PTPRJ: variants seen among roughly 807,000 people sequenced by gnomAD.
PTPRJ encodes the protein receptor-type tyrosine-protein phosphatase eta.
PTPRJ carries 129 observed loss-of-function variants against 141.3 expected under a neutral mutation model. The observed-to-expected ratio is 0.91, with a 90% CI of 0.79 to 1.06. The LOEUF (loss-of-function observed/expected upper bound fraction) is 1.06. Ranked by LOEUF, PTPRJ falls within the 50% of genes least tolerant of loss-of-function variation. The pLI is 0.00. For missense variants in PTPRJ, 1,601 were observed against 1,679.7 expected, an observed-to-expected ratio of 0.95 and a Z score of 0.82; for synonymous variants, 610 against 640.5, an observed-to-expected ratio of 0.95 and a Z score of 0.72.
At chr11:48,161,012 C>A (rs1316058154) in intron 22 of PTPRJ, among the ~76,000 whole-genome samples, 1 of 151,198 alleles carries the variant, frequency 6.6e-6, no homozygotes, top group Non-Finnish European at 1.5e-5. Flanking sequence ...AAAACAAAAC[C>A]AAACCAAACC....
intron 1 of PTPRJ, among the ~76,000 whole-genome samples, chr11:47,982,540 T>C (rs917300861): frequency 2.6e-5 from 4 of 152,132 alleles, no homozygotes; most frequent in African/African-American, 9.7e-5. Context: ...TAAAAAAGCC[T>C]TGTATTTGAA....
intron 1 of PTPRJ, among the ~76,000 whole-genome samples, chr11:47,993,277 CATTTGTAGTTT>C (rs1434404426): frequency 6.6e-6 from 1 of 152,036 alleles, no homozygotes; most frequent in Non-Finnish European, 1.5e-5. Flanking sequence ...AACACTACTG[CATTTGTAGTTT>C]ATTTGTTTGT....
chr11:48,049,565 C>CAAAACAAAACACAACAAAAT (rs746217685), intron 1 of PTPRJ, among the ~76,000 whole-genome samples: 2 of 150,704 alleles, frequency 1.3e-5, no homozygotes, highest in African/African-American at 4.9e-5. Context: ...CAAAACAAAA[C>CAAAACAAAACACAACAAAAT]AAGTCGGGTG....
chr11:47,981,691 C>A (rs1036993603), intron 1 of PTPRJ, among the ~76,000 whole-genome samples: 17 of 150,404 alleles, frequency 1.1e-4, no homozygotes, highest in Admixed American at 1.1e-3. Context: ...CCCTCACCCT[C>A]TTTTCTGGCT....
chr11:48,149,910 G>A (rs1857438933), intron 16 of PTPRJ, 80 bp from the exon 17 acceptor site: 1 of 1,135,428 alleles, frequency 8.8e-7, no homozygotes, highest in Admixed American at 2.4e-5. Context: ...GTTGTTTTGG[G>A]AAGATTGTTT....
chr11:48,109,352 C>T (rs1396274569), intron 1 of PTPRJ, among the ~76,000 whole-genome samples: 1 of 152,038 alleles, frequency 6.6e-6, no homozygotes, highest in Non-Finnish European at 1.5e-5. Context: ...CCTTGAATCA[C>T]TTTAGATTTT....
intron 6 of PTPRJ, among the ~76,000 whole-genome samples, chr11:48,127,398 T>A (rs1856864662): frequency 6.6e-6 from 1 of 152,226 alleles, no homozygotes. Context: ...TCCTGACTTC[T>A]GTGATCTCGG....
chr11:48,121,452 A>G (rs1856706655), intron 4 of PTPRJ, among the ~76,000 whole-genome samples, 186 bp downstream of exon 4: 1 of 152,202 alleles, frequency 6.6e-6, no homozygotes. Flanking sequence ...TTAAGGCCCT[A>G]TGTGTTTTGG....
At chr11:48,124,553 G>GCAGCTGCCCCACCAGC (rs1047885543) in intron 5 of PTPRJ, among the ~76,000 whole-genome samples, 1 of 152,168 alleles carries the variant, frequency 6.6e-6, no homozygotes. Flanking sequence ...TTCACACCCT[G>GCAGCTGCCCCACCAGC]CAGCTGCCCC....
intron 1 of PTPRJ, among the ~76,000 whole-genome samples, chr11:48,102,900 G>T (rs1343755635): frequency 6.6e-6 from 1 of 152,098 alleles, no homozygotes; most frequent in Non-Finnish European, 1.5e-5. Flanking sequence ...CTCTTCAGAT[G>T]AAGAGATTAG....
intron 1 of PTPRJ, among the ~76,000 whole-genome samples, chr11:47,994,664 CA>C (rs1412178466): frequency 2.0e-5 from 3 of 150,712 alleles, no homozygotes; most frequent in Non-Finnish European, 3.0e-5. Context: ...GATTCTGTCT[CA>C]AAAAAATAAA....
intron 6 of PTPRJ, among the ~76,000 whole-genome samples, chr11:48,127,480 C>G (rs1022968463): frequency 5.9e-5 from 9 of 152,160 alleles, no homozygotes; most frequent in African/African-American, 2.2e-4. Flanking sequence ...GCCCCTGGCC[C>G]TAGGGTAAGA....
At chr11:48,086,765 T>A (rs889311931) in intron 1 of PTPRJ, among the ~76,000 whole-genome samples, 1 of 152,234 alleles carries the variant, frequency 6.6e-6, no homozygotes, top group African/African-American at 2.4e-5. Flanking sequence ...TAGTTGCTCT[T>A]CTATAACTTC....
chr11:48,072,326 G>T (rs1855284046), intron 1 of PTPRJ, among the ~76,000 whole-genome samples: 2 of 152,208 alleles, frequency 1.3e-5, no homozygotes, highest in Admixed American at 6.5e-5. Flanking sequence ...CATGGCAGAA[G>T]TACAGAAGGG....
intron 22 of PTPRJ, among the ~76,000 whole-genome samples, chr11:48,161,887 A>G (rs1189148748): frequency 6.6e-6 from 1 of 152,126 alleles, no homozygotes; most frequent in Non-Finnish European, 1.5e-5. Context: ...TGTTAGGATT[A>G]CAGGTGGGAG....
At chr11:48,008,892 A>G (rs1453815348) in intron 1 of PTPRJ, among the ~76,000 whole-genome samples, 2 of 152,192 alleles carry the variant, frequency 1.3e-5, no homozygotes, top group Non-Finnish European at 2.9e-5. Flanking sequence ...ATTTGCTTCT[A>G]ATAGAGAAAT....
At chr11:48,050,792 G>A (rs908084017) in intron 1 of PTPRJ, among the ~76,000 whole-genome samples, 3 of 151,958 alleles carry the variant, frequency 2.0e-5, no homozygotes, top group Admixed American at 6.6e-5. Flanking sequence ...CTCCTGTTAC[G>A]CCATGAATTG....
chr11:47,997,824 C>A (rs1854383913), intron 1 of PTPRJ, among the ~76,000 whole-genome samples: 1 of 151,762 alleles, frequency 6.6e-6, no homozygotes, highest in Admixed American at 6.6e-5. Context: ...CTCCCTGGAG[C>A]AATTTTCAGC....
intron 1 of PTPRJ, among the ~76,000 whole-genome samples, chr11:48,021,595 A>T (rs952228485): frequency 6.6e-6 from 1 of 151,926 alleles, no homozygotes; most frequent in Non-Finnish European, 1.5e-5. Context: ...GCCATTGTGT[A>T]GATTAACCAG....
Sources: gnomAD v4.1 joint callset for allele counts (sites outside exome capture counted in the v4.1 genomes callset) on GRCh38, gnomAD v4.1.1 for gene constraint, MANE v1.5 for transcripts, NCBI Gene and HGNC (gene_info 2026-07-23, HGNC 2026-07-21) for gene names.